The following ADAM23 variants were observed in gnomAD, a reference collection of about 807,000 sequenced individuals.
ADAM23 encodes disintegrin and metalloproteinase domain-containing protein 23.
Under a neutral mutation model 120.1 loss-of-function variants are expected in ADAM23, and 33 were observed. That is an observed-to-expected ratio of 0.27 (90% CI 0.21 to 0.37). The LOEUF is 0.37. ADAM23 is among the 10% of genes least tolerant of loss of function. The probability of loss-of-function intolerance (pLI) is 1.00; values close to 1 mark genes in which losing one functional copy is unlikely to be tolerated. For synonymous variants in ADAM23, 367 were observed against 375.2 expected (o/e 0.98, Z 0.25); for missense variants, 862 against 1,058.2 (o/e 0.81, Z 2.57).
chr2:206,564,941 G>C, intron 13 of ADAM23, 79 bp from the exon 14 acceptor site: 2 of 1,427,956 alleles, frequency 1.4e-6, no homozygotes, highest in Non-Finnish European at 2.0e-6. Context: ...AATTATTGTA[G>C]GAGTTGTAAT....
chr2:206,518,759 T>C (rs927443117), intron 3 of ADAM23, among the ~76,000 whole-genome samples: 2 of 152,174 alleles, frequency 1.3e-5, no homozygotes, highest in Admixed American at 1.3e-4. Context: ...TTGAGGTACA[T>C]AGAAATATGT....
intron 24 of ADAM23, among the ~76,000 whole-genome samples, chr2:206,598,004 A>G (rs981677625): frequency 1.3e-5 from 2 of 152,214 alleles, no homozygotes; most frequent in African/African-American, 4.8e-5. Context: ...AATCATAATC[A>G]CACCCTCACA....
intron 5 of ADAM23, among the ~76,000 whole-genome samples, chr2:206,542,608 C>CA (rs1490587214): frequency 6.6e-6 from 1 of 152,118 alleles, no homozygotes; most frequent in African/African-American, 2.4e-5. Flanking sequence ...CATGTGTTGG[C>CA]ACCTTTTAGA....
At position 206,558,304 on chromosome 2, in the gene ADAM23, C is replaced by G. The variant is rs771533163; in HGVS notation, c.1005+806C>G. On this transcript the variant is annotated intron_variant, in intron 10 of 25. Transcript: ENST00000264377. ...TTTGCTTAGCTAAATATATTTTTAT[C>G]GGGTATTTTATTGTGTGTTCCTTCT... Among the ~76,000 whole-genome samples, 9 of 152,090 alleles carry G rather than the reference C, an allele frequency of 5.9e-5. 1 individual carries two copies. Among genetic ancestry groups the G allele is most frequent in the African/African-American group, 2.2e-4 (9 of 41,490 alleles).
chr2:206,613,311 G>T (rs539213873), intron 25 of ADAM23, among the ~76,000 whole-genome samples: 1 of 152,064 alleles, frequency 6.6e-6, no homozygotes, highest in African/African-American at 2.4e-5. Context: ...CGCCAGACTC[G>T]GCCTCCCAAA....
intron 18 of ADAM23, among the ~76,000 whole-genome samples, chr2:206,579,138 T>C (rs969807447): frequency 2.0e-5 from 3 of 152,192 alleles, no homozygotes; most frequent in Admixed American, 6.5e-5. Flanking sequence ...ATTATTTCTT[T>C]GTTAGATGCA....
intron 2 of ADAM23, among the ~76,000 whole-genome samples, chr2:206,451,222 G>A (rs1559212396): frequency 3.9e-5 from 6 of 152,200 alleles, no homozygotes. Context: ...TGGGTGGTGA[G>A]TGCAAGAAGG....
At chr2:206,567,075 C>G (rs1697899213) in intron 14 of ADAM23, 148 bp from the exon 15 acceptor site, 2 of 612,928 alleles carry the variant, frequency 3.3e-6, no homozygotes, top group African/African-American at 3.7e-5. Context: ...ACTTAAGTGG[C>G]AATTTGAACA....
intron 13 of ADAM23, among the ~76,000 whole-genome samples, chr2:206,563,940 C>T (rs974031296): frequency 6.6e-6 from 1 of 151,880 alleles, no homozygotes; most frequent in Non-Finnish European, 1.5e-5. Context: ...CTGTGTTAGC[C>T]AGTATGGTCT....
intron 3 of ADAM23, among the ~76,000 whole-genome samples, chr2:206,499,468 G>A (rs1696334599): frequency 7.1e-6 from 1 of 141,194 alleles, no homozygotes; most frequent in African/African-American, 2.6e-5. Flanking sequence ...ACAGGAAGAG[G>A]AACATCACAC....
chr2:206,460,365 C>T (rs1212172412), intron 2 of ADAM23, among the ~76,000 whole-genome samples: 1 of 152,204 alleles, frequency 6.6e-6, no homozygotes, highest in East Asian at 1.9e-4. Context: ...TTCCAATTCT[C>T]CACATCCTTA....
At chr2:206,497,381 A>C (rs958205239) in intron 3 of ADAM23, among the ~76,000 whole-genome samples, 3 of 152,204 alleles carry the variant, frequency 2.0e-5, no homozygotes, top group African/African-American at 7.2e-5. Context: ...CCAGCATATA[A>C]ACAGAACCAA....
intron 9 of ADAM23, among the ~76,000 whole-genome samples, chr2:206,551,315 TG>T (rs1490950961): frequency 1.3e-5 from 2 of 152,166 alleles, no homozygotes; most frequent in Admixed American, 6.5e-5. Flanking sequence ...CGGGATCTGA[TG>T]GGAGCTGGCT....
intron 18 of ADAM23, among the ~76,000 whole-genome samples, chr2:206,585,860 A>AAAAT (rs557276647): frequency 2.0e-5 from 3 of 152,238 alleles, no homozygotes; most frequent in East Asian, 1.9e-4. Flanking sequence ...GACTTCTCTA[A>AAAAT]AAATAAATAA....
chr2:206,484,282 G>A (rs1377955135), intron 3 of ADAM23, among the ~76,000 whole-genome samples: 1 of 152,078 alleles, frequency 6.6e-6, no homozygotes, highest in African/African-American at 2.4e-5. Context: ...GGTTGGGTTG[G>A]GGCTTGAGGA....
At chr2:206,477,634 G>A (rs2105874505) in intron 2 of ADAM23, among the ~76,000 whole-genome samples, 1 of 152,014 alleles carries the variant, frequency 6.6e-6, no homozygotes, top group East Asian at 1.9e-4. Flanking sequence ...AGCATTCCTA[G>A]GATCTGATTT....
intron 1 of ADAM23, among the ~76,000 whole-genome samples, chr2:206,444,756 A>G (rs930006036): frequency 6.6e-6 from 1 of 152,234 alleles, no homozygotes; most frequent in Non-Finnish European, 1.5e-5. Context: ...ATGGCAAAGT[A>G]TGTTTGCTCA....
At chr2:206,543,715 G>A (rs1574523893) in intron 6 of ADAM23, among the ~76,000 whole-genome samples, 1 of 151,914 alleles carries the variant, frequency 6.6e-6, no homozygotes, top group East Asian at 1.9e-4. Context: ...CAGCCTAAAT[G>A]TCCATCAATC....
intron 2 of ADAM23, among the ~76,000 whole-genome samples, chr2:206,480,551 A>G (rs986515302): frequency 3.9e-5 from 6 of 151,938 alleles, no homozygotes; most frequent in African/African-American, 9.7e-5. Flanking sequence ...TTAATTTGCA[A>G]TATTCAAGAT....
Sources: allele counts gnomAD v4.1 joint callset (sites outside exome capture counted in the v4.1 genomes callset), GRCh38; gene constraint gnomAD v4.1.1; transcripts MANE v1.5; gene names NCBI Gene and HGNC (gene_info 2026-07-23, HGNC 2026-07-21).